GALNT11: variants seen among roughly 807,000 people sequenced by gnomAD.
GALNT11 encodes polypeptide N-acetylgalactosaminyltransferase 11, also known as UDP-GalNAc:polypeptide N-acetylgalactosaminyltransferase 11.
A neutral mutation model predicts 72.7 loss-of-function variants in GALNT11; 47 were observed. That is an observed-to-expected ratio of 0.65 (90% CI 0.51 to 0.82). GALNT11 has a LOEUF of 0.82. GALNT11 is among the 40% of genes least tolerant of loss of function. The probability of loss-of-function intolerance (pLI) is 0.00; values close to 1 mark genes in which losing one functional copy is unlikely to be tolerated. For missense variants in GALNT11, 677 were observed against 778.4 expected, an observed-to-expected ratio of 0.87 and a Z score of 1.55; for synonymous variants, 270 against 286.6, an observed-to-expected ratio of 0.94 and a Z score of 0.58.
At chr7:152,104,793 T>C (rs1411551937) in intron 4 of GALNT11, 1 of 152,344 alleles carries the variant, frequency 6.6e-6, no homozygotes, top group African/African-American at 2.4e-5. Flanking sequence ...AATGCTGTTC[T>C]TGTTATTCTT....
intron 7 of GALNT11, among the ~76,000 whole-genome samples, chr7:152,112,867 G>A (rs2088394610): frequency 6.6e-6 from 1 of 151,870 alleles, no homozygotes; most frequent in Admixed American, 6.6e-5. Context: ...TGAGAGAACA[G>A]GTAATAAGCA....
intron 1 of GALNT11, among the ~76,000 whole-genome samples, chr7:152,059,378 A>G (rs1473351833): frequency 1.3e-5 from 2 of 152,138 alleles, no homozygotes; most frequent in Non-Finnish European, 2.9e-5. Flanking sequence ...TTGGGATTAC[A>G]GGCATGAGAC....
At chr7:152,077,786 A>C (rs2085073438) in intron 1 of GALNT11, among the ~76,000 whole-genome samples, 1 of 152,114 alleles carries the variant, frequency 6.6e-6, no homozygotes, top group South Asian at 2.1e-4. Context: ...CTGGGAGACT[A>C]CCTTAACAAG....
At chr7:152,114,872 C>T (rs1471087132) in intron 8 of GALNT11, among the ~76,000 whole-genome samples, 2 of 152,144 alleles carry the variant, frequency 1.3e-5, no homozygotes, top group Non-Finnish European at 2.9e-5. Flanking sequence ...TTGTTGTGCA[C>T]CTCCTGTATG....
intron 1 of GALNT11, among the ~76,000 whole-genome samples, chr7:152,075,482 G>A (rs1049264577): frequency 6.6e-6 from 1 of 152,196 alleles, no homozygotes; most frequent in East Asian, 1.9e-4. Context: ...ACCCTGCCTG[G>A]TAGCTTTCGC....
intron 1 of GALNT11, among the ~76,000 whole-genome samples, chr7:152,045,010 C>T (rs1378777732): frequency 1.3e-5 from 2 of 151,866 alleles, no homozygotes; most frequent in South Asian, 2.1e-4. Flanking sequence ...TTTAATTTTA[C>T]CAAATTCTTT....
chr7:152,098,197 A>T (rs1288279240), intron 2 of GALNT11, among the ~76,000 whole-genome samples: 1 of 152,174 alleles, frequency 6.6e-6, no homozygotes, highest in Admixed American at 6.5e-5. Flanking sequence ...CACACCTGTT[A>T]TCCCAGCACT....
Position 152,108,276 on chromosome 7 carries a change from T to C in GALNT11, c.951T>C (p.Thr317=), listed in dbSNP as rs759176875. ...AGCTAGGACGAGCGGAGGGAGCCAC[T>C]GCACCAATAAAGTAAGATCGCTCCT... ...LSELGRAEGA[T]APIKSPTMAG... The change falls in exon 6 of 12, where the codon ACT becomes ACC. Residue 317 remains threonine (T), a synonymous_variant. Transcript: ENST00000430044. 3.1e-6 allele frequency: 5 copies of C among 1,609,420 alleles called. No individual in the cohort carries two copies. In the South Asian group the frequency reaches 5.5e-5, roughly 18 times the overall value.
At chr7:152,101,679 G>T (rs1344006925) in intron 3 of GALNT11, among the ~76,000 whole-genome samples, 1 of 150,954 alleles carries the variant, frequency 6.6e-6, no homozygotes, top group African/African-American at 2.5e-5. Context: ...TGTTGCCCAG[G>T]CTGGAGTGTG....
intron 1 of GALNT11, among the ~76,000 whole-genome samples, chr7:152,046,671 A>G (rs1297370326): frequency 6.6e-6 from 1 of 151,502 alleles, no homozygotes; most frequent in African/African-American, 2.4e-5. Context: ...TTTTGTTTTC[A>G]GTCTGTGTGT....
chr7:152,120,703 C>A, intron 10 of GALNT11, 128 bp from the exon 11 acceptor site: 1 of 781,276 alleles, frequency 1.3e-6, no homozygotes, highest in South Asian at 1.7e-5. Context: ...ATCTGCTTCC[C>A]TGTAAGTCTA....
At chr7:152,043,460 C>A (rs62481473) in intron 1 of GALNT11, among the ~76,000 whole-genome samples, 2 of 152,166 alleles carry the variant, frequency 1.3e-5, no homozygotes, top group African/African-American at 2.4e-5. Context: ...GAAATGGGGC[C>A]GGGAACTGGC....
At chr7:152,071,131 A>G (rs1282802374) in intron 1 of GALNT11, among the ~76,000 whole-genome samples, 1 of 152,236 alleles carries the variant, frequency 6.6e-6, no homozygotes, top group Admixed American at 6.5e-5. Flanking sequence ...ATTGTCATTG[A>G]TAACATCTTA....
At chr7:152,026,882 A>G (rs970921818) in intron 1 of GALNT11, among the ~76,000 whole-genome samples, 1 of 152,234 alleles carries the variant, frequency 6.6e-6, no homozygotes, top group Admixed American at 6.5e-5. Context: ...CCTTGGGTAC[A>G]TGCTCTCAGG....
intron 5 of GALNT11, among the ~76,000 whole-genome samples, chr7:152,106,105 A>G (rs990324691): frequency 6.6e-6 from 1 of 152,220 alleles, no homozygotes; most frequent in African/African-American, 2.4e-5. Flanking sequence ...CTGTAATTAA[A>G]ACATTTTTAA....
chr7:152,036,095 A>C (rs1217395129), intron 1 of GALNT11, among the ~76,000 whole-genome samples: 1 of 152,190 alleles, frequency 6.6e-6, no homozygotes, highest in African/African-American at 2.4e-5. Context: ...AGAATCTTTC[A>C]CAACCCAATG....
chr7:152,082,684 T>C (rs2085389302), intron 1 of GALNT11, among the ~76,000 whole-genome samples: 2 of 152,198 alleles, frequency 1.3e-5, no homozygotes, highest in Non-Finnish European at 2.9e-5. Flanking sequence ...TTGAATAAAT[T>C]TTGCTGCTAA....
At chr7:152,110,283 T>C (rs530969903) in intron 6 of GALNT11, among the ~76,000 whole-genome samples, 3 of 152,196 alleles carry the variant, frequency 2.0e-5, no homozygotes, top group South Asian at 2.1e-4. Context: ...ATGGTTATAA[T>C]AGGAAAAGAA....
chr7:152,028,451 C>G (rs1387566619), intron 1 of GALNT11, among the ~76,000 whole-genome samples: 1 of 152,140 alleles, frequency 6.6e-6, no homozygotes, highest in Non-Finnish European at 1.5e-5. Context: ...GTCTGCTACC[C>G]AGTTAGCTAG....
Sources: allele counts gnomAD v4.1 joint callset (sites outside exome capture counted in the v4.1 genomes callset), GRCh38; gene constraint gnomAD v4.1.1; transcripts MANE v1.5; gene names NCBI Gene and HGNC (gene_info 2026-07-23, HGNC 2026-07-21).